Variants in PRKG1 observed in about 807,000 individuals in gnomAD.
The protein encoded by PRKG1 is cGMP-dependent protein kinase 1.
PRKG1 carries 35 observed loss-of-function variants against 88.1 expected under a neutral mutation model. The ratio of observed to expected loss-of-function variants is 0.40; its 90% CI spans 0.30 to 0.53. The LOEUF is 0.53. Ranked by LOEUF, PRKG1 falls within the 20% of genes least tolerant of loss-of-function variation. The pLI, the probability that PRKG1 is intolerant of heterozygous loss-of-function variation, is 0.59. For missense variants in PRKG1, 540 were observed against 839.8 expected (o/e 0.64, Z 4.41); for synonymous variants, 303 against 292.5 (o/e 1.04, Z -0.37).
rs1391140204 is a variant in PRKG1, at chr10:51,721,160, C to T, written c.593-83425C>T. Among the ~76,000 whole-genome samples the T allele has an allele frequency of 1.1e-4, 5 of 46,796 alleles. No individual in the cohort carries two copies. In the East Asian group the frequency reaches 1.5e-3, roughly 14 times the overall value. The allele number at this position is 46,796 out of a possible 152,430, so 30.7% of individuals were successfully genotyped here. A position where few individuals can be genotyped will look rare whatever the true frequency, so the allele number is the denominator to read the frequency against. Reference sequence around the variant, plus strand: ...CTAGGGAGGTTGAGGCTGCAGTGAGCCCATGATTATGCCACTGCACTCCAG... The same window carrying T: ...CTAGGGAGGTTGAGGCTGCAGTGAGTCCATGATTATGCCACTGCACTCCAG... On this transcript the variant is annotated intron_variant, in intron 3 of 17. Coordinates refer to ENST00000373980, the MANE Select transcript of PRKG1 (RefSeq NM_006258.4).
chr10:51,089,612 T>C (rs1844349047), intron 1 of PRKG1, among the ~76,000 whole-genome samples: 1 of 152,234 alleles, frequency 6.6e-6, no homozygotes, highest in Admixed American at 6.5e-5. Flanking sequence ...TCACCTCATC[T>C]AGTCATATGC....
intron 2 of PRKG1, among the ~76,000 whole-genome samples, chr10:51,422,013 C>CA (rs1838429775): frequency 6.6e-6 from 1 of 152,212 alleles, no homozygotes; most frequent in African/African-American, 2.4e-5. Flanking sequence ...TCATTCACTT[C>CA]ACAAGCTCTA....
intron 4 of PRKG1, among the ~76,000 whole-genome samples, chr10:51,864,837 C>T (rs1324432759): frequency 6.6e-6 from 1 of 152,140 alleles, no homozygotes; most frequent in Non-Finnish European, 1.5e-5. Context: ...GTCTTGACTT[C>T]AACTTGATAT....
chr10:51,943,562 C>T (rs1010177010), intron 5 of PRKG1, among the ~76,000 whole-genome samples: 9 of 152,136 alleles, frequency 5.9e-5, no homozygotes, highest in South Asian at 2.1e-4. Flanking sequence ...CCAGTTTTTG[C>T]CCATTCAGTA....
rs558994254 is a variant in PRKG1, at chr10:51,277,597, T to C, written c.478+124267T>C. On this transcript the variant is annotated intron_variant, in intron 2 of 17. Coordinates refer to ENST00000373980, the MANE Select transcript of PRKG1 (RefSeq NM_006258.4). Reference sequence around the variant, plus strand: ...TATTGATTCTTCCTATCCATGAGCATGGAATGTTCTTCCATTTGTTTGTGT... The same window carrying C: ...TATTGATTCTTCCTATCCATGAGCACGGAATGTTCTTCCATTTGTTTGTGT... 6.6e-5 allele frequency among the ~76,000 whole-genome samples: 10 copies of C among 152,370 alleles called. No homozygotes were observed. The East Asian group carries it at 1.9e-3, about 29-fold the overall frequency.
chr10:51,845,488 A>G (rs1430104952), intron 4 of PRKG1, among the ~76,000 whole-genome samples: 2 of 152,196 alleles, frequency 1.3e-5, no homozygotes, highest in Admixed American at 6.5e-5. Flanking sequence ...AGGTTTTAGA[A>G]AGTCCTTAAC....
At chr10:51,970,208 A>G (rs994048403) in intron 5 of PRKG1, among the ~76,000 whole-genome samples, 2 of 151,932 alleles carry the variant, frequency 1.3e-5, no homozygotes, top group Admixed American at 6.6e-5. Context: ...AAACTTTAAC[A>G]TTGATATAAT....
At chr10:51,933,079 T>C (rs948128428) in intron 5 of PRKG1, among the ~76,000 whole-genome samples, 7 of 152,112 alleles carry the variant, frequency 4.6e-5, no homozygotes, top group Non-Finnish European at 8.8e-5. Flanking sequence ...CAATGTGTGA[T>C]AATCATGATT....
At chr10:51,032,826 CTTA>C (rs1352276433) in intron 1 of PRKG1, among the ~76,000 whole-genome samples, 2 of 151,874 alleles carry the variant, frequency 1.3e-5, no homozygotes, top group African/African-American at 4.8e-5. Flanking sequence ...TCTAAGCTTT[CTTA>C]TTGAAATTTT....
intron 1 of PRKG1, among the ~76,000 whole-genome samples, chr10:51,035,596 T>C (rs555604861): frequency 3.9e-5 from 6 of 152,320 alleles, no homozygotes; most frequent in African/African-American, 1.4e-4. Context: ...CTTACTTAGC[T>C]CTGTAGCCTC....
At chr10:51,546,062 T>A (rs1371303564) in intron 3 of PRKG1, among the ~76,000 whole-genome samples, 1 of 152,094 alleles carries the variant, frequency 6.6e-6, no homozygotes, top group Non-Finnish European at 1.5e-5. Context: ...AGGTATTTTT[T>A]TTTTTTTGCT....
chr10:52,183,760 G>A (rs143647847), intron 9 of PRKG1, among the ~76,000 whole-genome samples: 5 of 152,206 alleles, frequency 3.3e-5, no homozygotes, highest in Admixed American at 1.3e-4. Flanking sequence ...CTGGGTGGGG[G>A]TGAGGGAGTG....
intron 2 of PRKG1, among the ~76,000 whole-genome samples, chr10:51,414,925 C>T (rs118184761): frequency 0.029 from 4,426 of 152,256 alleles, 82 homozygotes; most frequent in Non-Finnish European, 0.041. Flanking sequence ...ATTTAATTAG[C>T]ATCCTGAATT....
At chr10:51,932,259 G>A (rs1842710048) in intron 5 of PRKG1, among the ~76,000 whole-genome samples, 1 of 149,298 alleles carries the variant, frequency 6.7e-6, no homozygotes, top group South Asian at 2.1e-4. Flanking sequence ...CATTTCCATA[G>A]TTCCAAAAAT....
intron 1 of PRKG1, among the ~76,000 whole-genome samples, chr10:51,062,417 C>T (rs1843702752): frequency 6.6e-6 from 1 of 152,156 alleles, no homozygotes; most frequent in Non-Finnish European, 1.5e-5. Flanking sequence ...GGACAGACTT[C>T]ACTTTTCTCT....
chr10:51,445,455 TC>T (rs1839242814), intron 2 of PRKG1, among the ~76,000 whole-genome samples: 9 of 152,022 alleles, frequency 5.9e-5, no homozygotes, highest in Non-Finnish European at 1.2e-4. Context: ...TATTACATTA[TC>T]AAGGAAACCA....
chr10:51,523,972 G>T (rs1407788940), intron 3 of PRKG1, among the ~76,000 whole-genome samples: 1 of 152,136 alleles, frequency 6.6e-6, no homozygotes, highest in African/African-American at 2.4e-5. Flanking sequence ...CATTATGGGG[G>T]TGCATCCTTT....
intron 5 of PRKG1, among the ~76,000 whole-genome samples, chr10:51,988,829 T>C (rs960362152): frequency 1.3e-5 from 2 of 152,078 alleles, no homozygotes; most frequent in Non-Finnish European, 2.9e-5. Flanking sequence ...TAAAATAATA[T>C]AGTCTTTGCT....
intron 12 of PRKG1, among the ~76,000 whole-genome samples, chr10:52,275,890 C>A (rs1253910401): frequency 6.6e-6 from 1 of 151,968 alleles, no homozygotes; most frequent in Non-Finnish European, 1.5e-5. Flanking sequence ...GGTCTTTCAA[C>A]TTCTTGGTTA....
Sources: gnomAD v4.1 joint callset for allele counts (sites outside exome capture counted in the v4.1 genomes callset) on GRCh38, gnomAD v4.1.1 for gene constraint, MANE v1.5 for transcripts, NCBI Gene and HGNC (gene_info 2026-07-23, HGNC 2026-07-21) for gene names.